The following DLGAP1 variants were observed in gnomAD, a reference collection of about 807,000 sequenced individuals.
The protein encoded by DLGAP1 is disks large-associated protein 1.
A neutral mutation model predicts 90.8 loss-of-function variants in DLGAP1; 11 were observed. That is an observed-to-expected ratio of 0.12 (90% CI 0.08 to 0.20). DLGAP1 has a LOEUF of 0.20. Among genes scored for constraint, DLGAP1 ranks in the 10% least tolerant of loss-of-function variants. The pLI is 1.00. For synonymous variants in DLGAP1, 558 were observed against 540.7 expected, an observed-to-expected ratio of 1.03 and a Z score of -0.44; for missense variants, 1,050 against 1,333.8, an observed-to-expected ratio of 0.79 and a Z score of 3.31.
chr18:3,824,032 A>G (rs1221334433), intron 4 of DLGAP1, among the ~76,000 whole-genome samples: 2 of 151,466 alleles, frequency 1.3e-5, no homozygotes, highest in African/African-American at 2.4e-5. Context: ...TATAGGAGAT[A>G]AGCTAACTTA....
chr18:3,933,502 C>G (rs751899170), intron 3 of DLGAP1, among the ~76,000 whole-genome samples: 55 of 152,208 alleles, frequency 3.6e-4, no homozygotes, highest in Non-Finnish European at 6.5e-4. Flanking sequence ...GGATTCAAAG[C>G]TTATTGATTA....
chr18:4,017,216 C>A (rs9961875), intron 2 of DLGAP1, among the ~76,000 whole-genome samples: 7,388 of 152,246 alleles, frequency 0.049, 479 homozygotes, highest in African/African-American at 0.15. Context: ...ATCCTTCCCT[C>A]ACTCCTCCTT....
chr18:3,900,023 A>C (rs1347403713), intron 3 of DLGAP1, among the ~76,000 whole-genome samples: 1 of 152,232 alleles, frequency 6.6e-6, no homozygotes, highest in Admixed American at 6.5e-5. Flanking sequence ...AAACAAACAA[A>C]AAATCCTGAA....
chr18:3,722,826 G>C (rs1468540011), intron 7 of DLGAP1, among the ~76,000 whole-genome samples: 2 of 152,070 alleles, frequency 1.3e-5, no homozygotes, highest in Admixed American at 6.6e-5. Flanking sequence ...CTCCAAAAAT[G>C]GTCATTAATG....
intron 3 of DLGAP1, among the ~76,000 whole-genome samples, chr18:3,949,439 G>A (rs1324862172): frequency 6.6e-6 from 1 of 152,138 alleles, no homozygotes; most frequent in African/African-American, 2.4e-5. Flanking sequence ...CCTTTTCCCT[G>A]TGACTTCACA....
At chr18:4,003,439 T>TC (rs2149079382) in intron 3 of DLGAP1, among the ~76,000 whole-genome samples, 1 of 150,028 alleles carries the variant, frequency 6.7e-6, no homozygotes, top group African/African-American at 2.4e-5. Context: ...ATATCATTGT[T>TC]TTTTTTTTTT....
intron 1 of DLGAP1, among the ~76,000 whole-genome samples, chr18:4,163,848 T>C (rs1349944486): frequency 6.6e-6 from 1 of 152,212 alleles, no homozygotes; most frequent in Admixed American, 6.5e-5. Context: ...GTTTTCTTTT[T>C]CAGATATTAT....
At chr18:4,126,629 T>C (rs2076237427) in intron 2 of DLGAP1, among the ~76,000 whole-genome samples, 1 of 152,188 alleles carries the variant, frequency 6.6e-6, no homozygotes, top group African/African-American at 2.4e-5. Flanking sequence ...AGAATGCTTT[T>C]TTTCTTGGAA....
At chr18:3,643,662 CAAAAAA>C (rs538678987) in intron 7 of DLGAP1, among the ~76,000 whole-genome samples, 5 of 65,024 alleles carry the variant, frequency 7.7e-5, no homozygotes, top group African/African-American at 1.7e-4. Flanking sequence ...GACTCCATCT[CAAAAAA>C]AAAAAAAAAA....
chr18:3,574,022 T>G (rs1037762557), intron 8 of DLGAP1, among the ~76,000 whole-genome samples: 2 of 152,308 alleles, frequency 1.3e-5, no homozygotes, highest in Non-Finnish European at 2.9e-5. Flanking sequence ...GATTTAATAC[T>G]CCCTCTTGCA....
intron 1 of DLGAP1, among the ~76,000 whole-genome samples, chr18:4,212,712 CATA>C (rs1307357381): frequency 4.0e-5 from 6 of 151,390 alleles, no homozygotes; most frequent in African/African-American, 1.5e-4. Context: ...GTATACTTTT[CATA>C]ATATCCCTCA....
At chr18:3,529,288 A>G (rs555300075) in intron 10 of DLGAP1, among the ~76,000 whole-genome samples, 48 of 152,320 alleles carry the variant, frequency 3.2e-4, no homozygotes, top group African/African-American at 9.9e-4. Context: ...GGCTGCAGCA[A>G]GAAGGCGCCA....
Position 4,118,856 on chromosome 18 carries a change from C to T in DLGAP1, c.-159+32324G>A, listed in dbSNP as rs552417864. The stretch of plus-strand genomic sequence containing the variant: ...ACCCTATTTACTTTAGGATAATTCT[C>T]TTTAAAAAACTATGTTTTTAAAAAA... On this transcript the variant is annotated intron_variant, in intron 2 of 12. Coordinates refer to ENST00000315677, the MANE Select transcript of DLGAP1 (RefSeq NM_004746.4). 4.6e-5 allele frequency among the ~76,000 whole-genome samples: 7 copies of T among 152,198 alleles called. No homozygotes were observed. In the East Asian group the frequency reaches 1.4e-3, roughly 29 times the overall value.
rs182376818 is a variant in DLGAP1 at position 3,523,826 on chromosome 18, C to T, written c.2479+10368G>A. Among the ~76,000 whole-genome samples, 238 of 142,750 alleles carry T rather than the reference C, an allele frequency of 1.7e-3. 9 individuals are homozygous for T. The highest frequency in any genetic ancestry group is 0.016 in the Admixed American group (228 of 13,866). 93.6% of individuals were successfully genotyped at this position (142,750 alleles called of 152,430 possible). A position where few individuals can be genotyped will look rare whatever the true frequency, so the allele number is the denominator to read the frequency against. ...TAGCGCCACTGCACTCCAGCCTGGG[C>T]GACAGAGCAAGACTCTGTCTCAAAA... On this transcript the variant is annotated intron_variant, in intron 10 of 12. Coordinates refer to ENST00000315677, the MANE Select transcript of DLGAP1 (RefSeq NM_004746.4).
chr18:4,240,188 C>T (rs1403511509), intron 1 of DLGAP1, among the ~76,000 whole-genome samples: 1 of 152,022 alleles, frequency 6.6e-6, no homozygotes, highest in African/African-American at 2.4e-5. Flanking sequence ...TACATAGTTT[C>T]CACAGTGTTT....
At chr18:3,951,581 T>G (rs925560987) in intron 3 of DLGAP1, among the ~76,000 whole-genome samples, 7 of 152,204 alleles carry the variant, frequency 4.6e-5, no homozygotes, top group Non-Finnish European at 1.0e-4. Flanking sequence ...GAAGAAAAGT[T>G]GAGTTGGCCT....
rs543828639 is a variant in DLGAP1 at position 3,597,235 on chromosome 18, G to A, written c.1592-14987C>T. On this transcript the variant is annotated intron_variant, in intron 7 of 12. Transcript: ENST00000315677. Reference sequence around the variant, plus strand: ...TCCTAGTATCATTTCATGAAAATTAGTAGCACCTGCACAATGGGGCCTTGG... The same window carrying A: ...TCCTAGTATCATTTCATGAAAATTAATAGCACCTGCACAATGGGGCCTTGG... The A allele has an allele frequency of 1.2e-5, 6 of 515,046 alleles. No individual in the cohort carries two copies. In the East Asian group the frequency reaches 3.3e-4, roughly 28 times the overall value. 31.9% of individuals were successfully genotyped at this position (515,046 alleles called of 1,614,324 possible). A position where few individuals can be genotyped will look rare whatever the true frequency, so the allele number is the denominator to read the frequency against.
At chr18:3,773,485 T>C (rs532905135) in intron 5 of DLGAP1, among the ~76,000 whole-genome samples, 15 of 152,338 alleles carry the variant, frequency 9.8e-5, no homozygotes, top group African/African-American at 2.6e-4. Context: ...TTAGTTAGAA[T>C]AGTTAATAGT....
chr18:3,905,757 A>C (rs922567591), intron 3 of DLGAP1, among the ~76,000 whole-genome samples: 1 of 152,212 alleles, frequency 6.6e-6, no homozygotes, highest in African/African-American at 2.4e-5. Flanking sequence ...TGTTATGTGG[A>C]TCTCTAGTCC....
Sources: gnomAD v4.1 joint callset for allele counts (sites outside exome capture counted in the v4.1 genomes callset) on GRCh38, gnomAD v4.1.1 for gene constraint, MANE v1.5 for transcripts, NCBI Gene and HGNC (gene_info 2026-07-23, HGNC 2026-07-21) for gene names.